CTNNA2: variants seen among roughly 807,000 people sequenced by gnomAD.
CTNNA2 encodes catenin alpha 2, also known as catenin alpha-2.
CTNNA2 carries 42 observed loss-of-function variants against 101.0 expected under a neutral mutation model. That is an observed-to-expected ratio of 0.42 (90% CI 0.32 to 0.54). The LOEUF is 0.54. Among genes scored for constraint, CTNNA2 ranks in the 20% least tolerant of loss-of-function variants. The pLI is 0.14. For missense variants in CTNNA2, 871 were observed against 1,223.1 expected, an observed-to-expected ratio of 0.71 and a Z score of 4.29; for synonymous variants, 450 against 456.4, an observed-to-expected ratio of 0.99 and a Z score of 0.18.
intron 7 of CTNNA2, among the ~76,000 whole-genome samples, chr2:80,375,855 G>A (rs576361703): frequency 2.0e-5 from 3 of 151,750 alleles, no homozygotes; most frequent in South Asian, 4.2e-4. Flanking sequence ...GAGCCACCAT[G>A]CCTGGCCTTC....
chr2:79,972,726 T>G (rs1412741708), intron 7 of CTNNA2, among the ~76,000 whole-genome samples: 1 of 152,156 alleles, frequency 6.6e-6, no homozygotes, highest in Non-Finnish European at 1.5e-5. Context: ...GGGAAGTGGA[T>G]CTTCAGGTTT....
intron 1 of CTNNA2, among the ~76,000 whole-genome samples, chr2:79,588,777 T>C (rs1232851274): frequency 6.6e-6 from 1 of 152,130 alleles, no homozygotes; most frequent in Non-Finnish European, 1.5e-5. Context: ...AGCCTCTTGG[T>C]GTAGGCATAG....
intron 7 of CTNNA2, among the ~76,000 whole-genome samples, chr2:80,297,485 A>G (rs560901340): frequency 1.3e-5 from 2 of 152,308 alleles, no homozygotes; most frequent in South Asian, 4.1e-4. Flanking sequence ...CATCTCATTT[A>G]TATCTTTGTC....
chr2:80,532,414 A>G (rs1289754953), intron 9 of CTNNA2, among the ~76,000 whole-genome samples: 1 of 152,148 alleles, frequency 6.6e-6, no homozygotes, highest in Non-Finnish European at 1.5e-5. Flanking sequence ...CCCCTTCGTC[A>G]CTTAGTATCC....
At chr2:79,504,450 C>A (rs766081664) in intron 4 of CTNNA2, among the ~76,000 whole-genome samples, 11 of 152,012 alleles carry the variant, frequency 7.2e-5, no homozygotes, top group Non-Finnish European at 1.3e-4. Context: ...CTACCACACA[C>A]GGTTAATTTT....
chr2:80,565,108 T>C (rs780690712), intron 12 of CTNNA2, among the ~76,000 whole-genome samples: 1 of 150,754 alleles, frequency 6.6e-6, no homozygotes, highest in Admixed American at 6.6e-5. Context: ...TGGATGAAAC[T>C]GGGTGGCTGA....
chr2:79,415,746 A>G (rs1366659142), intron 4 of CTNNA2, among the ~76,000 whole-genome samples: 1 of 152,080 alleles, frequency 6.6e-6, no homozygotes. Context: ...CTGTGCTTAA[A>G]GTTTTTTTTC....
intron 1 of CTNNA2, among the ~76,000 whole-genome samples, chr2:79,584,579 C>G (rs1676357501): frequency 6.7e-6 from 1 of 150,164 alleles, no homozygotes; most frequent in Admixed American, 6.7e-5. Flanking sequence ...GGCTGGAGTG[C>G]AATGGCACGA....
chr2:80,242,928 G>T (rs920599045), intron 7 of CTNNA2, among the ~76,000 whole-genome samples: 32 of 152,170 alleles, frequency 2.1e-4, no homozygotes, highest in African/African-American at 5.8e-4. Flanking sequence ...GAGGAGAGAG[G>T]CGGAGGGAGC....
chr2:80,016,951 A>G (rs903516327), intron 7 of CTNNA2, among the ~76,000 whole-genome samples: 5 of 152,240 alleles, frequency 3.3e-5, no homozygotes, highest in Admixed American at 6.5e-5. Flanking sequence ...ACCTCAAACT[A>G]TCAAAGCCTC....
intron 7 of CTNNA2, among the ~76,000 whole-genome samples, chr2:80,287,242 A>G (rs1674847043): frequency 6.6e-6 from 1 of 152,196 alleles, no homozygotes; most frequent in Non-Finnish European, 1.5e-5. Context: ...GCATGGAAAT[A>G]GAGAGAATGA....
Position 79,653,696 on chromosome 2 carries a change from A to G in CTNNA2, c.102+2038A>G, listed in dbSNP as rs139496489. On this transcript the variant is annotated intron_variant, in intron 2 of 18. Transcript: ENST00000402739. ...TCTTCATACGTTGAGAATTTTCCCA[A>G]TCATCAAGTCCTGGTTTCTTTTGGC... 6.6e-5 allele frequency among the ~76,000 whole-genome samples: 10 copies of G among 152,228 alleles called. No homozygotes were observed. In the East Asian group the frequency reaches 1.4e-3, roughly 21 times the overall value.
At chr2:80,274,297 A>C (rs912362776) in intron 7 of CTNNA2, among the ~76,000 whole-genome samples, 31 of 152,192 alleles carry the variant, frequency 2.0e-4, no homozygotes, top group African/African-American at 6.3e-4. Flanking sequence ...CTTTTGCAAA[A>C]TCAGACTCTA....
intron 1 of CTNNA2, among the ~76,000 whole-genome samples, chr2:79,575,141 G>T (rs1286554915): frequency 1.3e-5 from 2 of 152,014 alleles, no homozygotes; most frequent in Non-Finnish European, 2.9e-5. Context: ...TGCTGTTGGT[G>T]GGCTTCTGGC....
intron 5 of CTNNA2, among the ~76,000 whole-genome samples, chr2:79,505,496 G>A (rs1671393039): frequency 6.6e-6 from 1 of 152,170 alleles, no homozygotes; most frequent in Non-Finnish European, 1.5e-5. Flanking sequence ...TTATTTTTCA[G>A]AATCCATTAA....
rs1442692582 is a variant in CTNNA2 at position 79,604,849 on chromosome 2, C to T, written c.-5-46703C>T. 3.9e-5 allele frequency among the ~76,000 whole-genome samples: 6 copies of T among 152,288 alleles called. No individual in the cohort carries two copies. In the East Asian group the frequency reaches 1.2e-3, roughly 30 times the overall value. ...TTTTGTCCTGCCTGACAAATTGTAG[C>T]AAGACTCAAAAGGATGAAGCTGTTT... On this transcript the variant is annotated intron_variant, in intron 1 of 18. Transcript: ENST00000402739.
At chr2:79,280,623 C>CTG (rs369268407) in intron 2 of CTNNA2, among the ~76,000 whole-genome samples, 25,485 of 128,978 alleles carry the variant, frequency 0.2, 2,673 homozygotes, top group Middle Eastern at 0.29. Flanking sequence ...ATCCTGTATG[C>CTG]TGTGTGTGTG....
At chr2:80,146,186 G>A (rs551992408) in intron 7 of CTNNA2, among the ~76,000 whole-genome samples, 4 of 152,328 alleles carry the variant, frequency 2.6e-5, no homozygotes, top group African/African-American at 9.6e-5. Flanking sequence ...CAGCCATGGA[G>A]GTGAGACTAT....
Position 80,138,960 on chromosome 2 carries a change from A to T in CTNNA2, c.1056+229163A>T, listed in dbSNP as rs35168278. ...ATCAATTCCCTGTACCTCAATTTCC[A>T]TGTTGACTATATGGTGATAATTCTA... On this transcript the variant is annotated intron_variant, in intron 7 of 18. Transcript: ENST00000402739. Among the ~76,000 whole-genome samples the T allele has an allele frequency of 4.5e-3, 685 of 152,112 alleles. 3 individuals are homozygous for T. The highest frequency in any genetic ancestry group is 9.6e-3 in the Admixed American group (146 of 15,268).
Sources: allele counts gnomAD v4.1 joint callset (sites outside exome capture counted in the v4.1 genomes callset), GRCh38; gene constraint gnomAD v4.1.1; transcripts MANE v1.5; gene names NCBI Gene and HGNC (gene_info 2026-07-23, HGNC 2026-07-21).